Variants in MALRD1 observed in about 807,000 individuals in gnomAD.
The protein encoded by MALRD1 is MAM and LDL-receptor class A domain-containing protein 1.
A neutral mutation model predicts 242.1 loss-of-function variants in MALRD1; 247 were observed. The ratio of observed to expected loss-of-function variants is 1.02; its 90% CI spans 0.92 to 1.13. MALRD1 has a LOEUF of 1.13. Ranked by LOEUF, MALRD1 falls within the 50% of genes most tolerant of loss-of-function variation. The pLI, the probability that MALRD1 is intolerant of heterozygous loss-of-function variation, is 0.00. For missense variants in MALRD1, 2,989 were observed against 2,533.1 expected (o/e 1.18, Z -3.86); for synonymous variants, 995 against 866.6 (o/e 1.15, Z -2.60).
rs199605475 is a variant in MALRD1, at chr10:19,097,043, A to T, written c.598-6936A>T. On this transcript the variant is annotated intron_variant, in intron 4 of 39. Transcript: ENST00000454679. ...GAAGCATTTCAGAGAGTTTCTGAAG[A>T]TATTTAAGGAATAATAACAACTAAA... is the stretch of plus-strand genomic sequence containing the variant. Among the ~76,000 whole-genome samples, 42 of 152,344 alleles carry T rather than the reference A, an allele frequency of 2.8e-4. 1 individual carries two copies. The East Asian group carries it at 6.4e-3, about 23-fold the overall frequency.
In MALRD1 at chr10:19,656,142, G is replaced by A. The variant is rs117914279; in HGVS notation, c.6138-36140G>A. ...AATTATTTCAGTGGATTTGCACTAAGGAAAACTCTACCATTTTTCAGAACT... is the reference window on the plus strand; with the variant it reads ...AATTATTTCAGTGGATTTGCACTAAAGAAAACTCTACCATTTTTCAGAACT... On this transcript the variant is annotated intron_variant, in intron 36 of 39. Coordinates refer to ENST00000454679, the MANE Select transcript of MALRD1 (RefSeq NM_001142308.3). Among the ~76,000 whole-genome samples, 394 of 152,152 alleles carry A rather than the reference G, an allele frequency of 2.6e-3. 6 individuals are homozygous for A. The East Asian group carries it at 0.059, about 23-fold the overall frequency.
intron 26 of MALRD1, among the ~76,000 whole-genome samples, chr10:19,384,298 TA>T (rs1028011149): frequency 9.1e-4 from 122 of 134,092 alleles, no homozygotes; most frequent in African/African-American, 3.3e-3. Flanking sequence ...ATATGTATTA[TA>T]TATGTATTAT....
At chr10:19,534,180 C>T (rs148083938) in intron 32 of MALRD1, among the ~76,000 whole-genome samples, 7 of 152,290 alleles carry the variant, frequency 4.6e-5, no homozygotes, top group African/African-American at 1.4e-4. Flanking sequence ...AAAAAGCCCT[C>T]GCCATTACAG....
intron 31 of MALRD1, among the ~76,000 whole-genome samples, chr10:19,516,358 A>C (rs1037328023): frequency 1.3e-5 from 2 of 152,218 alleles, no homozygotes; most frequent in Non-Finnish European, 2.9e-5. Context: ...CTGGTAGAAA[A>C]ATACCACACA....
At chr10:19,373,207 A>AAAAAAAAAAT (rs1845461611) in intron 26 of MALRD1, among the ~76,000 whole-genome samples, 1 of 139,578 alleles carries the variant, frequency 7.2e-6, no homozygotes, top group African/African-American at 2.7e-5. Flanking sequence ...TAAATACAAA[A>AAAAAAAAAAT]AAAAAAAAAA....
intron 30 of MALRD1, among the ~76,000 whole-genome samples, chr10:19,492,524 C>T (rs1837537427): frequency 6.6e-6 from 1 of 152,158 alleles, no homozygotes; most frequent in African/African-American, 2.4e-5. Flanking sequence ...ACTCTTTGGT[C>T]TCTCTGTCTT....
At chr10:19,578,498 C>T (rs11010543) in intron 33 of MALRD1, among the ~76,000 whole-genome samples, 4,306 of 152,144 alleles carry the variant, frequency 0.028, 164 homozygotes, top group African/African-American at 0.09. Context: ...TTGAGACCAC[C>T]CTGGCCAACA....
chr10:19,272,433 T>G (rs534612675), intron 19 of MALRD1, among the ~76,000 whole-genome samples: 1 of 152,118 alleles, frequency 6.6e-6, no homozygotes, highest in Non-Finnish European at 1.5e-5. Context: ...ATAGGAGATA[T>G]GAACCATCAG....
intron 5 of MALRD1, among the ~76,000 whole-genome samples, chr10:19,105,759 T>C (rs1452773897): frequency 6.6e-6 from 1 of 152,096 alleles, no homozygotes; most frequent in Non-Finnish European, 1.5e-5. Flanking sequence ...GTGGTTTTAA[T>C]TTGCATTTCC....
At chr10:19,498,092 G>A (rs909075707) in intron 30 of MALRD1, among the ~76,000 whole-genome samples, 8 of 152,096 alleles carry the variant, frequency 5.3e-5, no homozygotes, top group East Asian at 1.9e-4. Flanking sequence ...ACTTTGCGTC[G>A]CTAATAGGCT....
intron 33 of MALRD1, among the ~76,000 whole-genome samples, chr10:19,568,163 T>C (rs1459587227): frequency 6.6e-6 from 1 of 152,102 alleles, no homozygotes; most frequent in Non-Finnish European, 1.5e-5. Context: ...AAAAAAAAAG[T>C]TCTATTCTAA....
Position 19,232,872 on chromosome 10 carries a change from G to C in MALRD1, c.2991+23192G>C, listed in dbSNP as rs372759865. Among the ~76,000 whole-genome samples the C allele has an allele frequency of 1.8e-4, 28 of 152,132 alleles. No homozygotes were observed. In the South Asian group the frequency reaches 4.4e-3, roughly 24 times the overall value. On this transcript the variant is annotated intron_variant, in intron 18 of 39. Transcript: ENST00000454679. ...TAAAAGATAGAACAAAATGGTTCAG[G>C]CATCCAGCTTGTCCCCTCCACACTT...
At chr10:19,221,284 T>A (rs770552460) in intron 18 of MALRD1, among the ~76,000 whole-genome samples, 1 of 152,094 alleles carries the variant, frequency 6.6e-6, no homozygotes, top group Non-Finnish European at 1.5e-5. Context: ...TGATCCCACT[T>A]CCCCTGAAAT....
intron 18 of MALRD1, among the ~76,000 whole-genome samples, chr10:19,232,032 C>T (rs1246302383): frequency 6.6e-6 from 1 of 151,956 alleles, no homozygotes; most frequent in Non-Finnish European, 1.5e-5. Context: ...ATAAGGATGG[C>T]TCTGAAAACG....
intron 18 of MALRD1, 128 bp from the exon 19 acceptor site, chr10:19,257,556 C>G (rs11009158): frequency 0.14 from 93,608 of 664,986 alleles, 7,499 homozygotes; most frequent in Admixed American, 0.28. Flanking sequence ...TACTGCAAAG[C>G]AGTTTTTTAA....
intron 36 of MALRD1, among the ~76,000 whole-genome samples, chr10:19,685,022 T>C (rs1019024328): frequency 2.0e-5 from 3 of 152,134 alleles, no homozygotes; most frequent in Admixed American, 6.5e-5. Flanking sequence ...AAATCAGTTA[T>C]AGGATTTCTA....
At chr10:19,229,995 A>G (rs1038477259) in intron 18 of MALRD1, among the ~76,000 whole-genome samples, 10 of 152,218 alleles carry the variant, frequency 6.6e-5, no homozygotes, top group South Asian at 4.1e-4. Context: ...AGTTTTCCCC[A>G]TACTGTTCTA....
intron 38 of MALRD1, among the ~76,000 whole-genome samples, chr10:19,707,710 A>G (rs1484098891): frequency 7.7e-6 from 1 of 130,594 alleles, no homozygotes; most frequent in African/African-American, 2.6e-5. Flanking sequence ...GTGCTTTGGG[A>G]GGCCAAGGTG....
chr10:19,670,334 A>G lies in MALRD1; in HGVS notation c.6138-21948A>G, dbSNP rs116394492. Reference sequence around the variant, plus strand: ...TGTTCCATCAGCAAACCCATCAGCCAGCCTTCACCTGTTGTGGTGATCCAT... The same window carrying G: ...TGTTCCATCAGCAAACCCATCAGCCGGCCTTCACCTGTTGTGGTGATCCAT... On this transcript the variant is annotated intron_variant, in intron 36 of 39. Transcript: ENST00000454679. Among the ~76,000 whole-genome samples the G allele has an allele frequency of 4.1e-3, 625 of 152,284 alleles. 3 individuals carry two copies. Among genetic ancestry groups the G allele is most frequent in the African/African-American group, 0.014 (564 of 41,558 alleles).
Sources: allele counts gnomAD v4.1 joint callset (sites outside exome capture counted in the v4.1 genomes callset), GRCh38; gene constraint gnomAD v4.1.1; transcripts MANE v1.5; gene names NCBI Gene and HGNC (gene_info 2026-07-23, HGNC 2026-07-21).